The following PLOD2 variants were observed in gnomAD, a reference collection of about 807,000 sequenced individuals.
PLOD2 encodes the protein lysine hydroxylase 2.
Under a neutral mutation model 101.0 loss-of-function variants are expected in PLOD2, and 65 were observed. The ratio of observed to expected loss-of-function variants is 0.64; its 90% CI spans 0.53 to 0.79. PLOD2 has a LOEUF of 0.79. Among genes scored for constraint, PLOD2 ranks in the 30% least tolerant of loss-of-function variants. PLOD2 has a pLI of 0.00. For synonymous variants in PLOD2, 314 were observed against 302.9 expected (o/e 1.04, Z -0.38); for missense variants, 909 against 914.6 (o/e 0.99, Z 0.08).
Position 146,106,643 on chromosome 3 carries a change from T to C in PLOD2, c.504A>G (p.Gly168=). The change falls in exon 5 of 20, where the codon GGA becomes GGG. Residue 168 remains glycine (G), a splice_region_variant and synonymous_variant. Transcript: ENST00000282903. The part of the protein sequence containing the change: ...HIGKRYLNSG[G]FIGYAPYVNR... ...TGACATATGGAGCATAGCCAATAAA[T>C]CCTGCAACACAGCAGAGAGAAAGTA... The C allele has an allele frequency of 7.0e-7, 1 of 1,429,370 alleles. No homozygotes were observed. The highest frequency in any genetic ancestry group is 1.1e-5 in the South Asian group (1 of 87,182). The allele number at this position is 1,429,370 out of a possible 1,614,324, so 88.5% of individuals were successfully genotyped here.
Position 146,124,143 on chromosome 3 carries a change from C to T in PLOD2, c.196G>A (p.Val66Met), listed in dbSNP as rs564416321. The change falls in exon 2 of 20, where the codon GTG becomes ATG. Residue 66 changes from valine to methionine, a missense_variant. Val to Met is a conservative substitution (Grantham distance 21, BLOSUM62 1). Coordinates refer to ENST00000282903, the MANE Select transcript of PLOD2 (RefSeq NM_182943.3). ...MQSAKYFNYT[V>M]KVLGQGEEWR... is the part of the protein sequence containing the mutation. Reference sequence around the variant, plus strand: ...GGTTAAAGGATATACCATACCTTCACAGTATAATTGAAATATTTGGCTGAC... The same window carrying T: ...GGTTAAAGGATATACCATACCTTCATAGTATAATTGAAATATTTGGCTGAC... 21 of 1,520,986 alleles carry T rather than the reference C, an allele frequency of 1.4e-5. No individual in the cohort carries two copies. Among genetic ancestry groups the T allele is most frequent in the East Asian group, 9.0e-5 (4 of 44,314 alleles). The allele number at this position is 1,520,986 out of a possible 1,614,324, so 94.2% of individuals were successfully genotyped here.
chr3:146,079,127 C>T lies in PLOD2; in HGVS notation c.1489G>A (p.Ala497Thr). Residue 497 changes from alanine (A) to threonine (T), a missense_variant, in exon 13 of 20, where the codon GCT (alanine) becomes ACT (threonine). Ala to Thr is a moderately conservative substitution (Grantham distance 58). Coordinates refer to ENST00000282903, the MANE Select transcript of PLOD2 (RefSeq NM_182943.3). ...LDPDMALCRN[A>T]REMTLQREKD... ...ACTGCATATCTTACCATTTCTCTAG[C>T]ATTTCGGCAAAGAGCCATATCAGGA... 6.2e-7 allele frequency: 1 copy of T among 1,612,728 alleles called. No individual in the cohort carries two copies. The highest frequency in any genetic ancestry group is 8.5e-7 in the Non-Finnish European group (1 of 1,178,944).
Position 146,085,232 on chromosome 3 carries a change from C to G in PLOD2, c.1169G>C (p.Ser390Thr), listed in dbSNP as rs1400963727. ...RQDEKCDYYF[S>T]VDADVVLTNP... ...TGTCAAAACAACATCTGCATCCACA[C>G]TAAAGTAATAATCACACTTTTCATC... The change falls in exon 11 of 20, where the codon AGT (serine) becomes ACT (threonine). Residue 390 changes from serine (S) to threonine (T), a missense_variant. Ser to Thr is a moderately conservative substitution (Grantham distance 58, BLOSUM62 1). Transcript: ENST00000282903. 1.2e-6 allele frequency: 2 copies of G among 1,608,912 alleles called. No homozygotes were observed. Among genetic ancestry groups the G allele is most frequent in the Non-Finnish European group, 1.7e-6 (2 of 1,175,684 alleles).
At chr3:146,096,617 C>T (rs1263306826) in intron 7 of PLOD2, among the ~76,000 whole-genome samples, 1 of 96,332 alleles carries the variant, frequency 1.0e-5, no homozygotes, top group Non-Finnish European at 2.2e-5. Context: ...CCGGCCGCTC[C>T]GTCTGAGAAG....
intron 7 of PLOD2, among the ~76,000 whole-genome samples, chr3:146,095,918 A>G (rs9840602): frequency 0.96 from 121,412 of 125,880 alleles, 58,521 homozygotes; most frequent in Non-Finnish European, 0.99. Flanking sequence ...CTCCCTCCAC[A>G]GTCTCCCTCT....
intron 3 of PLOD2, among the ~76,000 whole-genome samples, chr3:146,115,380 T>C (rs989628279): frequency 1.3e-5 from 2 of 152,160 alleles, no homozygotes; most frequent in African/African-American, 4.8e-5. Flanking sequence ...TCTATCTCAA[T>C]AGATGATTGA....
At chr3:146,078,742 G>T (rs1306391003) in intron 13 of PLOD2, among the ~76,000 whole-genome samples, 1 of 151,564 alleles carries the variant, frequency 6.6e-6, no homozygotes, top group Non-Finnish European at 1.5e-5. Flanking sequence ...TCTTAAATCT[G>T]GAAATATTGT....
chr3:146,140,580 T>C (rs1017096606), intron 1 of PLOD2, among the ~76,000 whole-genome samples: 3 of 152,090 alleles, frequency 2.0e-5, no homozygotes, highest in African/African-American at 7.2e-5. Context: ...TGTGTGCTTT[T>C]TCAGAAATAC....
chr3:146,157,653 G>A (rs1484766212), intron 1 of PLOD2, among the ~76,000 whole-genome samples: 2 of 152,180 alleles, frequency 1.3e-5, no homozygotes, highest in Non-Finnish European at 2.9e-5. Context: ...TTTGTCCCAT[G>A]TGTTGGATAG....
intron 4 of PLOD2, among the ~76,000 whole-genome samples, chr3:146,109,568 G>T (rs145069226): frequency 4.0e-4 from 61 of 152,282 alleles, no homozygotes; most frequent in African/African-American, 1.4e-3. Flanking sequence ...TTTGCAATTT[G>T]TACCCAATTT....
chr3:146,121,078 A>G (rs2030101238), intron 3 of PLOD2, 34 bp downstream of exon 3: 1 of 1,462,488 alleles, frequency 6.8e-7, no homozygotes, highest in Non-Finnish European at 9.6e-7. Flanking sequence ...GTAATTGAAT[A>G]TAGATTTTAA....
intron 1 of PLOD2, among the ~76,000 whole-genome samples, chr3:146,147,812 A>C (rs918383377): frequency 6.6e-6 from 1 of 152,176 alleles, no homozygotes; most frequent in African/African-American, 2.4e-5. Context: ...GGCTGCAAAC[A>C]CATCAGTGAA....
chr3:146,138,970 A>G (rs537171051), intron 1 of PLOD2, among the ~76,000 whole-genome samples: 27 of 152,292 alleles, frequency 1.8e-4, no homozygotes, highest in Non-Finnish European at 3.5e-4. Flanking sequence ...CTGTGCTCTT[A>G]ACTGCTATGC....
intron 9 of PLOD2, among the ~76,000 whole-genome samples, chr3:146,087,459 T>G (rs1159557297): frequency 3.3e-5 from 5 of 151,846 alleles, no homozygotes; most frequent in Non-Finnish European, 7.4e-5. Context: ...TTAACAAAAT[T>G]CTATGGACAG....
chr3:146,092,170 G>A (rs975228347), intron 7 of PLOD2, among the ~76,000 whole-genome samples: 37 of 151,690 alleles, frequency 2.4e-4, no homozygotes, highest in African/African-American at 5.1e-4. Flanking sequence ...ATATAATACC[G>A]GAAAGGATGA....
In PLOD2 at chr3:146,127,537, G is replaced by GTA. The variant is rs541545866; in HGVS notation, c.110-3310_110-3309dup. On this transcript the variant is annotated intron_variant, in intron 1 of 19. Coordinates refer to ENST00000282903, the MANE Select transcript of PLOD2 (RefSeq NM_182943.3). ...TTTAATAGCTGTGTCATATCCCATC[G>GTA]TATATATATATATCACATTTTCTTT... 6.1e-3 allele frequency among the ~76,000 whole-genome samples: 928 copies of GTA among 151,262 alleles called. 8 individuals carry two copies. The highest frequency in any genetic ancestry group is 0.019 in the African/African-American group (798 of 41,182).
intron 7 of PLOD2, among the ~76,000 whole-genome samples, chr3:146,100,965 T>G (rs186013516): frequency 6.6e-6 from 1 of 152,284 alleles, no homozygotes; most frequent in Admixed American, 6.5e-5. Flanking sequence ...CTAAGAAAGT[T>G]GCTATGGCCA....
At chr3:146,101,982 T>G (rs1937404128) in intron 7 of PLOD2, among the ~76,000 whole-genome samples, 1 of 152,198 alleles carries the variant, frequency 6.6e-6, no homozygotes, top group South Asian at 2.1e-4. Context: ...TTGCATTTCT[T>G]TCCATTCACA....
rs1378666145 is a variant in PLOD2 at position 146,160,956 on chromosome 3, G to A, written c.34C>T (p.Leu12Phe). The change falls in exon 1 of 20, where the codon CTC becomes TTC. Residue 12 changes from leucine to phenylalanine, a missense_variant. Coordinates refer to ENST00000282903, the MANE Select transcript of PLOD2 (RefSeq NM_182943.3). ...CAGGGGTGGAGGACGAGCGCCAGGAGCAGCAGCTGAGGCTTCACCGTGCAT... is the reference window on the plus strand; with the variant it reads ...CAGGGGTGGAGGACGAGCGCCAGGAACAGCAGCTGAGGCTTCACCGTGCAT... ...GGCTVKPQLL[L>F]LALVLHPWNP... The A allele has an allele frequency of 6.3e-7, 1 of 1,599,128 alleles. No individual in the cohort carries two copies. Among genetic ancestry groups the A allele is most frequent in the Admixed American group, 1.7e-5 (1 of 58,424 alleles).
Sources: gnomAD v4.1 joint callset for allele counts (sites outside exome capture counted in the v4.1 genomes callset) on GRCh38, gnomAD v4.1.1 for gene constraint, MANE v1.5 for transcripts, NCBI Gene and HGNC (gene_info 2026-07-23, HGNC 2026-07-21) for gene names.